Variants in MEF2A observed in about 807,000 individuals in gnomAD.
MEF2A encodes myocyte enhancer factor 2A.
A neutral mutation model predicts 55.8 loss-of-function variants in MEF2A; 28 were observed. The observed-to-expected ratio is 0.50, with a 90% CI of 0.37 to 0.69. The LOEUF (loss-of-function observed/expected upper bound fraction) is 0.69, where lower values mean the gene tolerates loss of function less well. Among genes scored for constraint, MEF2A ranks in the 30% least tolerant of loss-of-function variants. The pLI, the probability that MEF2A is intolerant of heterozygous loss-of-function variation, is 0.00. For missense variants in MEF2A, 528 were observed against 626.2 expected (o/e 0.84, Z 1.67); for synonymous variants, 239 against 227.1 (o/e 1.05, Z -0.47).
chr15:99,703,100 C>G lies in MEF2A; in HGVS notation c.859-262C>G, dbSNP rs112553593. Reference sequence around the variant, plus strand: ...AGTAGCATGACTATGTATAAGAGGCCAGCATGAGAGCAGACCAAGTTGGGG... The same window carrying G: ...AGTAGCATGACTATGTATAAGAGGCGAGCATGAGAGCAGACCAAGTTGGGG... On this transcript the variant is annotated intron_variant, in intron 8 of 11. Transcript: ENST00000557942. 5.8e-3 allele frequency among the ~76,000 whole-genome samples: 876 copies of G among 152,276 alleles called. 7 individuals carry two copies. Among genetic ancestry groups the G allele is most frequent in the African/African-American group, 0.019 (789 of 41,568 alleles).
intron 1 of MEF2A, among the ~76,000 whole-genome samples, chr15:99,591,741 ATCT>A (rs756687170): frequency 6.6e-6 from 1 of 151,420 alleles, no homozygotes; most frequent in South Asian, 2.1e-4. Context: ...CAATTTTGTC[ATCT>A]TCTTTTCTGC....
chr15:99,580,999 A>G (rs1360005150), intron 1 of MEF2A, among the ~76,000 whole-genome samples: 1 of 152,028 alleles, frequency 6.6e-6, no homozygotes, highest in Non-Finnish European at 1.5e-5. Flanking sequence ...AGGTAGCTTA[A>G]TTAGTTCTCT....
At chr15:99,708,223 C>T (rs990289478) in intron 10 of MEF2A, among the ~76,000 whole-genome samples, 2 of 152,114 alleles carry the variant, frequency 1.3e-5, no homozygotes, top group Admixed American at 6.6e-5. Context: ...AGTGGGTAAC[C>T]GTGGAGGGGA....
chr15:99,677,143 T>TA (rs34294935), intron 7 of MEF2A, among the ~76,000 whole-genome samples: 32,674 of 150,860 alleles, frequency 0.22, 4,164 homozygotes, highest in South Asian at 0.31. Context: ...AATAAATAAA[T>TA]AAATAAAATA....
At position 99,712,166 on chromosome 15, in the gene MEF2A, C is replaced by T. The variant is rs1396555177; in HGVS notation, c.1137-224C>T. 7.9e-5 allele frequency among the ~76,000 whole-genome samples: 12 copies of T among 152,272 alleles called. No individual in the cohort carries two copies. The East Asian group carries it at 1.9e-3, about 24-fold the overall frequency. The stretch of plus-strand genomic sequence containing the variant: ...AGTACCAACGTTGTGGGTAACAGAA[C>T]CAAGTAACGTAAGGGCTCAACGGTA... On this transcript the variant is annotated intron_variant, in intron 11 of 11. Coordinates refer to ENST00000557942, the MANE Select transcript of MEF2A (RefSeq NM_001319206.4). This position sits in a 1 kb window ranked among gnomAD's most constrained non-coding sequence, Gnocchi z 4.1.
At chr15:99,573,894 C>T (rs1404351967) in intron 1 of MEF2A, among the ~76,000 whole-genome samples, 1 of 152,082 alleles carries the variant, frequency 6.6e-6, no homozygotes, top group African/African-American at 2.4e-5. Context: ...TATTTTGATA[C>T]TGAAAACCTT....
At chr15:99,567,838 C>T (rs980679848) in intron 1 of MEF2A, among the ~76,000 whole-genome samples, 3 of 152,132 alleles carry the variant, frequency 2.0e-5, no homozygotes, top group African/African-American at 7.2e-5. Context: ...TATATGGTGA[C>T]ACATTGACAA....
intron 7 of MEF2A, among the ~76,000 whole-genome samples, chr15:99,686,920 A>T (rs1597152167): frequency 1.4e-5 from 2 of 148,074 alleles, no homozygotes; most frequent in East Asian, 2.0e-4. Context: ...TTGTTTTTTG[A>T]TTTTTTTTTT....
intron 8 of MEF2A, among the ~76,000 whole-genome samples, chr15:99,697,054 TA>T (rs34753858): frequency 0.64 from 96,542 of 150,692 alleles, 34,351 homozygotes; most frequent in Middle Eastern, 0.86. Flanking sequence ...ATTCATCATT[TA>T]AAAAAAAAAA....
At position 99,628,951 on chromosome 15, in the gene MEF2A, C is replaced by G. The variant is rs941852745; in HGVS notation, c.-142-4027C>G. ...TAAAGTTGCCTCTCTATTTTGCCTT[C>G]ATTTCAGAAGGATTTTTTTTTTTTT... On this transcript the variant is annotated intron_variant, in intron 2 of 11. Coordinates refer to ENST00000557942, the MANE Select transcript of MEF2A (RefSeq NM_001319206.4). Among the ~76,000 whole-genome samples, 22 of 146,202 alleles carry G rather than the reference C, an allele frequency of 1.5e-4. 1 individual carries two copies. Among genetic ancestry groups the G allele is most frequent in the African/African-American group, 5.6e-4 (22 of 39,496 alleles).
At chr15:99,668,028 A>G (rs1416592439) in intron 4 of MEF2A, among the ~76,000 whole-genome samples, 3 of 152,170 alleles carry the variant, frequency 2.0e-5, no homozygotes, top group African/African-American at 7.2e-5. Flanking sequence ...ATAAATGACA[A>G]TGTGCAGAAA....
chr15:99,611,124 C>G (rs1977117019), intron 2 of MEF2A, among the ~76,000 whole-genome samples: 1 of 152,154 alleles, frequency 6.6e-6, no homozygotes, highest in Non-Finnish European at 1.5e-5. Context: ...GACTTGTAAT[C>G]CCAGCTACTC....
chr15:99,657,665 A>G (rs2047958095), intron 4 of MEF2A: 1 of 152,118 alleles, frequency 6.6e-6, no homozygotes, highest in Non-Finnish European at 1.5e-5. Context: ...TAGATTCAGA[A>G]TCAAGGGGAA....
chr15:99,684,516 G>T (rs1259579472), intron 7 of MEF2A, among the ~76,000 whole-genome samples: 1 of 152,224 alleles, frequency 6.6e-6, no homozygotes, highest in African/African-American at 2.4e-5. Context: ...ATCTGCTTTT[G>T]AGAATTGTCT....
In MEF2A at chr15:99,642,246, C is replaced by G. The variant is rs1483634076; in HGVS notation, c.55-3315C>G. Among the ~76,000 whole-genome samples, 6 of 152,138 alleles carry G rather than the reference C, an allele frequency of 3.9e-5. No individual in the cohort carries two copies. In the East Asian group the frequency reaches 1.2e-3, roughly 29 times the overall value. On this transcript the variant is annotated intron_variant, in intron 3 of 11. Coordinates refer to ENST00000557942, the MANE Select transcript of MEF2A (RefSeq NM_001319206.4). ...GTTTTTTCCCTTCTTAAAAGTCACT[C>G]ACTTCCTTCCTTGGTGTACATGGTA...
At position 99,629,864 on chromosome 15, in the gene MEF2A, G is replaced by A. The variant is rs777605318; in HGVS notation, c.-142-3114G>A. On this transcript the variant is annotated intron_variant, in intron 2 of 11. Coordinates refer to ENST00000557942, the MANE Select transcript of MEF2A (RefSeq NM_001319206.4). ...CTGAGGCAGGAGAATCGCTTGAACCGTGGAAGCGGAAGTTGCAGTGAGCCG... is the reference window on the plus strand; with the variant it reads ...CTGAGGCAGGAGAATCGCTTGAACCATGGAAGCGGAAGTTGCAGTGAGCCG... Among the ~76,000 whole-genome samples the A allele has an allele frequency of 4.0e-5, 6 of 151,804 alleles. 1 individual carries two copies. Among genetic ancestry groups the A allele is most frequent in the East Asian group, 1.9e-4 (1 of 5,164 alleles).
At chr15:99,598,897 A>G (rs1972098194) in intron 2 of MEF2A, among the ~76,000 whole-genome samples, 3 of 152,130 alleles carry the variant, frequency 2.0e-5, no homozygotes. Flanking sequence ...CTGAGGAAAG[A>G]TTTTCAAGTG....
chr15:99,694,687 G>T (rs559193554), intron 8 of MEF2A, among the ~76,000 whole-genome samples: 6 of 152,292 alleles, frequency 3.9e-5, no homozygotes, highest in African/African-American at 1.4e-4. Flanking sequence ...TAGCCTTTGG[G>T]TAGGAAATTA....
At chr15:99,586,117 T>A (rs1319176751) in intron 1 of MEF2A, among the ~76,000 whole-genome samples, 3 of 152,218 alleles carry the variant, frequency 2.0e-5, no homozygotes, top group Non-Finnish European at 4.4e-5. Flanking sequence ...GTATTATGAA[T>A]AAAGTTGCTA....
Sources: gnomAD v4.1 joint callset for allele counts (sites outside exome capture counted in the v4.1 genomes callset) on GRCh38, gnomAD v4.1.1 for gene constraint, Gnocchi (gnomAD v3.1) non-coding constraint, MANE v1.5 for transcripts, NCBI Gene and HGNC (gene_info 2026-07-23, HGNC 2026-07-21) for gene names.